The following SIPA1L2 variants were observed in gnomAD, a reference collection of about 807,000 sequenced individuals.
The protein encoded by SIPA1L2 is signal induced proliferation associated 1 like 2.
SIPA1L2 carries 56 observed loss-of-function variants against 163.9 expected under a neutral mutation model. That is an observed-to-expected ratio of 0.34 (90% CI 0.28 to 0.43). SIPA1L2 has a LOEUF of 0.43. SIPA1L2 is among the 20% of genes least tolerant of loss of function. The pLI is 1.00. For missense variants in SIPA1L2, 1,974 were observed against 2,193.5 expected (o/e 0.90, Z 2.00); for synonymous variants, 877 against 865.7 (o/e 1.01, Z -0.23).
chr1:232,401,109 GTC>G (rs146555118), intron 22 of SIPA1L2, among the ~76,000 whole-genome samples: 28 of 149,512 alleles, frequency 1.9e-4, no homozygotes, highest in South Asian at 2.1e-4. Flanking sequence ...CAGGGTCCTT[GTC>G]TCTCTCTCTC....
chr1:232,462,233 A>G (rs1664276667), intron 9 of SIPA1L2: 3 of 1,551,046 alleles, frequency 1.9e-6, no homozygotes, highest in Non-Finnish European at 2.6e-6. Context: ...ACATGGGCTC[A>G]TTAAGTATCA....
chr1:232,399,106 C>T lies in SIPA1L2; in HGVS notation c.*21G>A. The T allele has an allele frequency of 1.4e-5, 22 of 1,613,820 alleles. No individual in the cohort carries two copies. The highest frequency in any genetic ancestry group is 1.9e-5 in the Non-Finnish European group (22 of 1,179,894). On this transcript the variant is annotated 3_prime_UTR_variant, in exon 23 of 23. Coordinates refer to ENST00000674635, the MANE Select transcript of SIPA1L2 (RefSeq NM_020808.5). ...GGACAAGGGGCATTTCCCAGTGGTC[C>T]CTTGATGAGGTGCGGATTGGCTAAG...
intron 10 of SIPA1L2, 93 bp downstream of exon 10, chr1:232,460,794 C>A: frequency 6.9e-7 from 1 of 1,457,078 alleles, no homozygotes; most frequent in East Asian, 2.4e-5. Flanking sequence ...CACTTGACTG[C>A]ATTTTCTGAG....
chr1:232,431,895 G>A (rs1052369341), intron 16 of SIPA1L2, among the ~76,000 whole-genome samples: 1 of 152,138 alleles, frequency 6.6e-6, no homozygotes, highest in Admixed American at 6.5e-5. Context: ...CACTTACACG[G>A]CAACTTTAAG....
chr1:232,447,024 G>A (rs570185826), intron 10 of SIPA1L2, among the ~76,000 whole-genome samples: 6 of 152,208 alleles, frequency 3.9e-5, no homozygotes, highest in South Asian at 2.1e-4. Flanking sequence ...TACATTTTAC[G>A]AAATATAAAC....
At chr1:232,596,086 G>A (rs1401948872) in intron 1 of SIPA1L2, among the ~76,000 whole-genome samples, 3 of 152,186 alleles carry the variant, frequency 2.0e-5, no homozygotes, top group African/African-American at 7.2e-5. Context: ...GAAGATGGGG[G>A]TGAGGGTGGA....
chr1:232,453,566 T>C (rs910067485), intron 10 of SIPA1L2, among the ~76,000 whole-genome samples: 3 of 152,224 alleles, frequency 2.0e-5, no homozygotes, highest in African/African-American at 4.8e-5. Flanking sequence ...TAGCACTTTA[T>C]AGTGCTCCAC....
chr1:232,416,278 C>T (rs1472294975), intron 18 of SIPA1L2, among the ~76,000 whole-genome samples: 2 of 152,310 alleles, frequency 1.3e-5, no homozygotes, highest in South Asian at 2.1e-4. Flanking sequence ...AAAAAGAAAA[C>T]ATGAGGCTGC....
intron 1 of SIPA1L2, among the ~76,000 whole-genome samples, chr1:232,624,508 C>A (rs1033911382): frequency 6.6e-6 from 1 of 152,196 alleles, no homozygotes; most frequent in Non-Finnish European, 1.5e-5. Context: ...AAACTCCACA[C>A]AATAGTTCAT....
At position 232,425,609 on chromosome 1, in the gene SIPA1L2, G is replaced by A. The variant is rs1176341725; in HGVS notation, c.4610C>T (p.Pro1537Leu). ...STLPPRAHPA[P>L]SMGSLRNEFW... ...CTTACTTCTCAGGCTCCCCATGCTGGGTGCGGGGTGGGCCCGCGGAGGCAG... is the reference window on the plus strand; with the variant it reads ...CTTACTTCTCAGGCTCCCCATGCTGAGTGCGGGGTGGGCCCGCGGAGGCAG... The change falls in exon 18 of 23, where the codon CCC becomes CTC. Residue 1537 changes from proline (P) to leucine (L), a missense_variant. Pro to Leu is a moderately conservative substitution (Grantham distance 98, BLOSUM62 -3). Around this residue, in one of 3 missense-constraint regions of SIPA1L2, gnomAD observed 1,079 missense variants for 1,150.7 expected, o/e 0.94. Transcript: ENST00000674635. The A allele has an allele frequency of 3.1e-6, 5 of 1,596,866 alleles. No individual in the cohort carries two copies. Among genetic ancestry groups the A allele is most frequent in the African/African-American group, 1.3e-5 (1 of 74,670 alleles).
In SIPA1L2 at chr1:232,415,603, C is replaced by T. The variant is rs1362761386; in HGVS notation, c.4653G>A (p.Gly1551=). Residue 1551 remains glycine (G), a synonymous_variant, in exon 19 of 23, where the codon GGG becomes GGA. Transcript: ENST00000674635. ...CGCACTTGGACTTATCTGATAAGGA[C>T]CCATCGGAGAACCAGAACTCATCTA... The part of the protein sequence containing the change: ...SLRNEFWFSD[G]SLSDKSKCAD... 3 of 1,614,074 alleles carry T rather than the reference C, an allele frequency of 1.9e-6. No individual in the cohort carries two copies. The highest frequency in any genetic ancestry group is 1.1e-5 in the South Asian group (1 of 91,050).
intron 10 of SIPA1L2, among the ~76,000 whole-genome samples, chr1:232,451,518 A>G (rs1262212886): frequency 6.6e-6 from 1 of 152,204 alleles, no homozygotes; most frequent in South Asian, 2.1e-4. Context: ...ACCTAGCACA[A>G]AAAGACATTT....
chr1:232,441,905 A>G (rs746217712), intron 12 of SIPA1L2, 37 bp from the exon 13 acceptor site: 2 of 1,558,778 alleles, frequency 1.3e-6, no homozygotes, highest in Admixed American at 1.8e-5. Context: ...TCCTTTCTCA[A>G]CCGTGCCACC....
chr1:232,563,583 C>T (rs2102751532), intron 2 of SIPA1L2, among the ~76,000 whole-genome samples: 1 of 152,272 alleles, frequency 6.6e-6, no homozygotes, highest in East Asian at 1.9e-4. Flanking sequence ...AAGTTCTCAA[C>T]CCTTCCTTCA....
chr1:232,509,126 C>T (rs1013274556), intron 3 of SIPA1L2, among the ~76,000 whole-genome samples: 6 of 152,344 alleles, frequency 3.9e-5, no homozygotes, highest in Non-Finnish European at 8.8e-5. Context: ...CTGAAAGCTA[C>T]AGATGGATTT....
chr1:232,564,291 T>G (rs1659271820), intron 2 of SIPA1L2, among the ~76,000 whole-genome samples: 2 of 131,464 alleles, frequency 1.5e-5, no homozygotes, highest in South Asian at 2.5e-4. Context: ...TATGATGGAG[T>G]TTTGCTCTTG....
At chr1:232,449,062 AAGC>A (rs1166550266) in intron 10 of SIPA1L2, among the ~76,000 whole-genome samples, 2 of 152,102 alleles carry the variant, frequency 1.3e-5, no homozygotes, top group Non-Finnish European at 2.9e-5. Context: ...GAGAAAAGAC[AAGC>A]AGATGTAAAC....
chr1:232,528,562 C>T (rs908591135), intron 2 of SIPA1L2, among the ~76,000 whole-genome samples: 26 of 152,150 alleles, frequency 1.7e-4, no homozygotes, highest in African/African-American at 5.3e-4. Flanking sequence ...CTTCCTGTAA[C>T]GGGCAACTCT....
At chr1:232,493,823 G>A (rs925616724) in intron 3 of SIPA1L2, among the ~76,000 whole-genome samples, 163 bp from the exon 4 acceptor site, 12 of 152,094 alleles carry the variant, frequency 7.9e-5, no homozygotes, top group African/African-American at 2.7e-4. Context: ...TTTCCAGTTC[G>A]GATGCACGCC....
Sources: gnomAD v4.1 joint callset for allele counts (sites outside exome capture counted in the v4.1 genomes callset) on GRCh38, gnomAD v4.1.1 for gene constraint, gnomAD v4.1.1 regional missense constraint, MANE v1.5 for transcripts, NCBI Gene and HGNC (gene_info 2026-07-23, HGNC 2026-07-21) for gene names.